NSMAF: variants seen among roughly 807,000 people sequenced by gnomAD.
NSMAF encodes neutral sphingomyelinase activation associated factor.
Under a neutral mutation model 134.9 loss-of-function variants are expected in NSMAF, and 90 were observed. The observed-to-expected ratio is 0.67, with a 90% confidence interval of 0.56 to 0.79. NSMAF has a LOEUF of 0.79. Ranked by LOEUF, NSMAF falls within the 30% of genes least tolerant of loss-of-function variation. NSMAF has a pLI of 0.00. For missense variants in NSMAF, 1,010 were observed against 1,119.0 expected, an observed-to-expected ratio of 0.90 and a Z score of 1.39; for synonymous variants, 358 against 389.6, an observed-to-expected ratio of 0.92 and a Z score of 0.96.
intron 9 of NSMAF, among the ~76,000 whole-genome samples, chr8:58,614,657 A>G (rs1406612055): frequency 1.3e-5 from 2 of 152,204 alleles, no homozygotes; most frequent in Non-Finnish European, 2.9e-5. Flanking sequence ...AGAAGTGTGT[A>G]TAAAAGTCAA....
At chr8:58,642,163 CAT>C (rs557806450) in intron 2 of NSMAF, among the ~76,000 whole-genome samples, 57 of 152,252 alleles carry the variant, frequency 3.7e-4, no homozygotes, top group South Asian at 3.5e-3. Context: ...ACAAATACCA[CAT>C]GTTTTTGATC....
intron 9 of NSMAF, among the ~76,000 whole-genome samples, chr8:58,614,538 A>C (rs1806611391): frequency 6.6e-6 from 1 of 152,208 alleles, no homozygotes; most frequent in South Asian, 2.1e-4. Flanking sequence ...GGTTATGTGC[A>C]ATCCTGAGTT....
chr8:58,601,835 C>A (rs549844538), intron 14 of NSMAF, among the ~76,000 whole-genome samples: 2 of 152,298 alleles, frequency 1.3e-5, no homozygotes, highest in South Asian at 4.1e-4. Flanking sequence ...GAAAATAATT[C>A]AGTGAACCTG....
intron 1 of NSMAF, among the ~76,000 whole-genome samples, chr8:58,648,928 G>A (rs1490807910): frequency 1.3e-5 from 2 of 152,250 alleles, no homozygotes; most frequent in Non-Finnish European, 2.9e-5. Context: ...AAAGTGGGCT[G>A]GAGTCCCCAT....
intron 29 of NSMAF, 45 bp from the exon 30 acceptor site, chr8:58,585,806 A>C (rs746545147): frequency 1.3e-6 from 2 of 1,594,374 alleles, no homozygotes; most frequent in East Asian, 2.2e-5. Context: ...TCATGAAGGA[A>C]GGATATGTTG....
Position 58,603,316 on chromosome 8 carries a change from A to T in NSMAF, c.939T>A (p.Tyr313Ter). ...LQWQRGHLSN[Y>*]QYLLHLNNLA... ...GGTTGTTGAGGTGAAGGAGGTACTG[A>T]TAGTTGGAAAGGTGTCCACGCTGCC... is the stretch of plus-strand genomic sequence containing the variant. The change falls in exon 13 of 31, where the codon TAT (tyrosine) becomes TAA (stop). Residue 313 changes from tyrosine (Y) to a stop codon, truncating the protein, a stop_gained. Transcript: ENST00000038176. LOFTEE classifies it high-confidence loss of function. 1 of 1,614,158 alleles carries T rather than the reference A, an allele frequency of 6.2e-7. No homozygotes were observed. The highest frequency in any genetic ancestry group is 8.5e-7 in the Non-Finnish European group (1 of 1,180,030).
At chr8:58,624,701 G>C (rs1806876521) in intron 6 of NSMAF, among the ~76,000 whole-genome samples, 1 of 152,190 alleles carries the variant, frequency 6.6e-6, no homozygotes, top group Non-Finnish European at 1.5e-5. Context: ...CCATGTGCTT[G>C]AGAGGAAAGT....
At chr8:58,635,396 T>C in intron 3 of NSMAF, 24 bp from the exon 4 acceptor site, 1 of 1,581,864 alleles carries the variant, frequency 6.3e-7, no homozygotes, top group Non-Finnish European at 8.6e-7. Flanking sequence ...AGAGAAATAT[T>C]ATAAAAATCA....
chr8:58,583,637 T>C lies in NSMAF; in HGVS notation c.*469A>G, dbSNP rs1297943651. 1 of 196,674 alleles carries C rather than the reference T, an allele frequency of 5.1e-6. No homozygotes were observed. The allele number at this position is 196,674 out of a possible 1,614,324, so 12.2% of individuals were successfully genotyped here. A position where few individuals can be genotyped will look rare whatever the true frequency, so the allele number is the denominator to read the frequency against. On this transcript the variant is annotated 3_prime_UTR_variant, in exon 31 of 31. Transcript: ENST00000038176. ...GGTTCTTAGAATCTGGGTACAGCAT[T>C]ATAGAAAGTAACCACGCTATGAAAA...
At chr8:58,642,828 T>C (rs1807366589) in intron 2 of NSMAF, among the ~76,000 whole-genome samples, 156 bp downstream of exon 2, 1 of 152,200 alleles carries the variant, frequency 6.6e-6, no homozygotes, top group African/African-American at 2.4e-5. Flanking sequence ...TCTCCTAGGT[T>C]ATAATCCTCA....
intron 16 of NSMAF, among the ~76,000 whole-genome samples, chr8:58,600,639 A>AAAAAAAATAAAT (rs1428887613): frequency 2.0e-5 from 3 of 150,588 alleles, no homozygotes; most frequent in African/African-American, 7.3e-5. Flanking sequence ...AAAAAAAAAA[A>AAAAAAAATAAAT]AAAAAAAGAT....
intron 10 of NSMAF, 130 bp from the exon 11 acceptor site, chr8:58,607,970 C>A (rs902324329): frequency 1.6e-5 from 12 of 755,454 alleles, no homozygotes; most frequent in Middle Eastern, 2.9e-4. Flanking sequence ...AAAAGGAAAT[C>A]TTGGAACAAG....
chr8:58,597,456 T>G lies in NSMAF; in HGVS notation c.1723A>C (p.Arg575=). The change falls in exon 21 of 31, where the codon AGG becomes CGG. Residue 575 remains arginine, a synonymous_variant. Transcript: ENST00000038176. ...KQLFVTPHPR[R]ITPKFKSLSQ... is the part of the protein sequence containing the mutation. ...AAACTTTTAAACTTTGGGGTGATCC[T>G]TCGAGGATGTGGTGTCACAAATAGT... The G allele has an allele frequency of 1.2e-6, 2 of 1,614,150 alleles. No homozygotes were observed. Among genetic ancestry groups the G allele is most frequent in the Non-Finnish European group, 1.7e-6 (2 of 1,179,972 alleles).
chr8:58,605,637 A>G (rs1197028522), intron 12 of NSMAF, among the ~76,000 whole-genome samples: 1 of 152,124 alleles, frequency 6.6e-6, no homozygotes, highest in African/African-American at 2.4e-5. Flanking sequence ...TACAAATAGC[A>G]TTTTTCTTCT....
chr8:58,596,450 C>G (rs1381880190), intron 21 of NSMAF, among the ~76,000 whole-genome samples: 2 of 152,190 alleles, frequency 1.3e-5, no homozygotes, highest in Non-Finnish European at 2.9e-5. Flanking sequence ...TAGGTAAAAT[C>G]TAAAACCTGG....
At chr8:58,603,451 G>A (rs1806333785) in intron 12 of NSMAF, 65 bp from the exon 13 acceptor site, 2 of 1,492,054 alleles carry the variant, frequency 1.3e-6, no homozygotes, top group Non-Finnish European at 1.9e-6. Flanking sequence ...AAAAGCTAGG[G>A]GCTTAACGTG....
At chr8:58,640,019 T>C (rs1807297605) in intron 2 of NSMAF, 10 of 453,738 alleles carry the variant, frequency 2.2e-5, no homozygotes, top group South Asian at 1.6e-4. Context: ...AAGAGTAAGT[T>C]AAACTTCACG....
intron 12 of NSMAF, among the ~76,000 whole-genome samples, chr8:58,604,391 A>T (rs563794470): frequency 5.4e-5 from 8 of 149,000 alleles, no homozygotes; most frequent in African/African-American, 1.8e-4. Flanking sequence ...TGTTATAGTT[A>T]AAAAAAATAA....
At chr8:58,642,434 A>G (rs1287450150) in intron 2 of NSMAF, among the ~76,000 whole-genome samples, 1 of 152,220 alleles carries the variant, frequency 6.6e-6, no homozygotes, top group East Asian at 1.9e-4. Context: ...GTAGTGAGTA[A>G]TAGTTATTAA....
Sources: allele counts gnomAD v4.1 joint callset (sites outside exome capture counted in the v4.1 genomes callset), GRCh38; gene constraint gnomAD v4.1.1; transcripts MANE v1.5; gene names NCBI Gene and HGNC (gene_info 2026-07-23, HGNC 2026-07-21).